Variants in MYO6 observed in about 807,000 individuals in gnomAD.
MYO6 encodes myosin VI.
In MYO6, 74 loss-of-function variants were observed where a neutral mutation model predicts 178.7. The observed-to-expected ratio is 0.41, with a 90% CI of 0.34 to 0.50. MYO6 has a LOEUF of 0.50. Ranked by LOEUF, MYO6 falls within the 20% of genes least tolerant of loss-of-function variation. MYO6 has a pLI of 0.09. For missense variants in MYO6, 1,330 were observed against 1,547.4 expected (o/e 0.86, Z 2.36); for synonymous variants, 477 against 504.6 (o/e 0.95, Z 0.73).
At chr6:75,763,214 C>T (rs369466562) in intron 1 of MYO6, among the ~76,000 whole-genome samples, 4 of 151,700 alleles carry the variant, frequency 2.6e-5, no homozygotes, top group East Asian at 3.9e-4. Context: ...TTAGTAGAGA[C>T]GGGGTTTCAC....
chr6:75,805,026 T>TTTTTTTTTG (rs1769923772), intron 1 of MYO6, among the ~76,000 whole-genome samples: 1 of 126,742 alleles, frequency 7.9e-6, no homozygotes, highest in African/African-American at 3.3e-5. Context: ...TATATATTTT[T>TTTTTTTTTG]TTTTTTTTTT....
intron 9 of MYO6, among the ~76,000 whole-genome samples, chr6:75,843,650 A>G (rs1774453749): frequency 6.6e-6 from 1 of 152,150 alleles, no homozygotes; most frequent in Non-Finnish European, 1.5e-5. Context: ...TGTTTAAACT[A>G]TTATTCTGCT....
At chr6:75,865,463 A>G (rs1776581185) in intron 16 of MYO6, 1 of 143,522 alleles carries the variant, frequency 7.0e-6, no homozygotes, top group Non-Finnish European at 1.5e-5. Context: ...TCCCGGGCTC[A>G]AACCATCCTC....
chr6:75,781,093 A>G (rs541501041), intron 1 of MYO6, among the ~76,000 whole-genome samples: 6 of 152,158 alleles, frequency 3.9e-5, no homozygotes, highest in Non-Finnish European at 5.9e-5. Context: ...GATTACAGGC[A>G]TAAGCCACCG....
chr6:75,823,120 G>A (rs866502764), intron 3 of MYO6, among the ~76,000 whole-genome samples: 1 of 152,138 alleles, frequency 6.6e-6, no homozygotes, highest in African/African-American at 2.4e-5. Flanking sequence ...TGAACTAAAA[G>A]TCTCTTGTTA....
Position 75,873,275 on chromosome 6 carries a change from A to C in MYO6, c.2052A>C (p.Gln684His). The change falls in exon 20 of 35, where the codon CAA becomes CAC. Residue 684 changes from glutamine to histidine, a missense_variant. Gln to His is a conservative substitution (Grantham distance 24). Around this residue, in one of 3 missense-constraint regions of MYO6, gnomAD observed 613 missense variants for 816.8 expected, o/e 0.75. Transcript: ENST00000369977. Reference protein sequence around the residue: ...KMTSHHFEGAQILSQLQCSGM... With the variant: ...KMTSHHFEGAHILSQLQCSGM... Reference sequence around the variant, plus strand: ...CAAGCCACCACTTTGAAGGTGCTCAAATTCTGTCTCAGCTTCAGTGTTCAG... The same window carrying C: ...CAAGCCACCACTTTGAAGGTGCTCACATTCTGTCTCAGCTTCAGTGTTCAG... 3 of 1,613,830 alleles carry C rather than the reference A, an allele frequency of 1.9e-6. No homozygotes were observed. Among genetic ancestry groups the C allele is most frequent in the Non-Finnish European group, 2.5e-6 (3 of 1,179,762 alleles).
chr6:75,869,278 A>G (rs1418396882), intron 18 of MYO6, among the ~76,000 whole-genome samples: 1 of 152,084 alleles, frequency 6.6e-6, no homozygotes, highest in Non-Finnish European at 1.5e-5. Flanking sequence ...TGACAAATCC[A>G]TTCCATTTTA....
chr6:75,899,781 A>G (rs1779594867), intron 30 of MYO6, among the ~76,000 whole-genome samples: 1 of 151,198 alleles, frequency 6.6e-6, no homozygotes, highest in African/African-American at 2.4e-5. Flanking sequence ...CATGTGCACA[A>G]TGTGCAGGTT....
rs192044258 is a variant in MYO6, at chr6:75,840,443, G to C, written c.554-142G>C. ...CCCAAAGTGCTGGGATTACAGGCAT[G>C]AGCCACTGTGTCCCGCCCATGTTAA... On this transcript the variant is annotated intron_variant, in intron 7 of 34. Transcript: ENST00000369977. 7.1e-5 allele frequency: 48 copies of C among 674,430 alleles called. 1 individual carries two copies. In the East Asian group the frequency reaches 1.3e-3, roughly 19 times the overall value. The allele number at this position is 674,430 out of a possible 1,614,324, so 41.8% of individuals were successfully genotyped here.
At chr6:75,750,107 T>TA (rs1776727274) in intron 1 of MYO6, among the ~76,000 whole-genome samples, 1 of 151,526 alleles carries the variant, frequency 6.6e-6, no homozygotes, top group South Asian at 2.1e-4. Flanking sequence ...CTTTTTTTTT[T>TA]TTTTTTGAGA....
intron 1 of MYO6, among the ~76,000 whole-genome samples, chr6:75,773,193 A>G (rs1306082910): frequency 6.6e-6 from 1 of 152,200 alleles, no homozygotes; most frequent in Non-Finnish European, 1.5e-5. Flanking sequence ...ATGTGAGGAT[A>G]TTTTTAACAC....
intron 1 of MYO6, among the ~76,000 whole-genome samples, chr6:75,755,506 A>G (rs1429663003): frequency 1.3e-5 from 2 of 152,254 alleles, no homozygotes; most frequent in Non-Finnish European, 1.5e-5. Context: ...AACTACTTTA[A>G]CATTTTAAAT....
rs1774573376 is a variant in MYO6 at position 75,844,827 on chromosome 6, T to C, written c.817-70T>C. 2.4e-6 allele frequency: 3 copies of C among 1,253,052 alleles called. No individual in the cohort carries two copies. In the Admixed American group the frequency reaches 5.1e-5, roughly 21 times the overall value. The allele number at this position is 1,253,052 out of a possible 1,614,324, so 77.6% of individuals were successfully genotyped here. A position where few individuals can be genotyped will look rare whatever the true frequency, so the allele number is the denominator to read the frequency against. On this transcript the variant is annotated intron_variant, in intron 9 of 34. Transcript: ENST00000369977. ...TTCATGGTTGGCACTATTTGGTAAG[T>C]TGTGTTTTCTCCTGTATTATTTCCC...
chr6:75,856,276 T>C (rs575823478), intron 12 of MYO6, among the ~76,000 whole-genome samples: 1 of 152,224 alleles, frequency 6.6e-6, no homozygotes, highest in Admixed American at 6.5e-5. Context: ...AAGCAGTTTT[T>C]TGTTGTTGTT....
chr6:75,831,485 C>T (rs915700959), intron 5 of MYO6, among the ~76,000 whole-genome samples: 6 of 152,318 alleles, frequency 3.9e-5, no homozygotes, highest in Admixed American at 2.0e-4. Flanking sequence ...TGCCCCATCC[C>T]TTAGAACCTG....
intron 1 of MYO6, among the ~76,000 whole-genome samples, chr6:75,801,106 A>G (rs889773127): frequency 2.0e-5 from 3 of 152,188 alleles, no homozygotes; most frequent in African/African-American, 7.2e-5. Flanking sequence ...GACTAGATGT[A>G]TTACTTTGTT....
At chr6:75,780,726 A>G (rs1159844812) in intron 1 of MYO6, among the ~76,000 whole-genome samples, 3 of 152,092 alleles carry the variant, frequency 2.0e-5, no homozygotes, top group Non-Finnish European at 4.4e-5. Flanking sequence ...CCTCTATATG[A>G]TATACTATGT....
intron 1 of MYO6, among the ~76,000 whole-genome samples, chr6:75,785,530 G>T (rs1048304391): frequency 6.8e-6 from 1 of 146,792 alleles, no homozygotes; most frequent in South Asian, 2.2e-4. Context: ...AGACTGCAGT[G>T]GCTATTCACA....
chr6:75,872,019 C>A (rs977666129), intron 19 of MYO6, among the ~76,000 whole-genome samples: 6 of 151,968 alleles, frequency 3.9e-5, no homozygotes, highest in African/African-American at 1.5e-4. Context: ...ATCCTAGCTA[C>A]TTGGGAGGCT....
Sources: allele counts gnomAD v4.1 joint callset (sites outside exome capture counted in the v4.1 genomes callset), GRCh38; gene constraint gnomAD v4.1.1; regional missense constraint gnomAD v4.1.1; transcripts MANE v1.5; gene names NCBI Gene and HGNC (gene_info 2026-07-23, HGNC 2026-07-21).